Variants in DNAH9 observed in about 807,000 individuals in gnomAD.
The protein encoded by DNAH9 is DNAH9 variant protein.
Under a neutral mutation model 471.6 loss-of-function variants are expected in DNAH9, and 345 were observed. That is an observed-to-expected ratio of 0.73 (90% confidence interval 0.67 to 0.80). The LOEUF is 0.80. Among genes scored for constraint, DNAH9 ranks in the 30% least tolerant of loss-of-function variants. The pLI is 0.00. For missense variants in DNAH9, 5,407 were observed against 5,609.2 expected, an observed-to-expected ratio of 0.96 and a Z score of 1.15; for synonymous variants, 2,093 against 2,123.6, an observed-to-expected ratio of 0.99 and a Z score of 0.40.
intron 24 of DNAH9, among the ~76,000 whole-genome samples, chr17:11,702,927 C>A (rs527956535): frequency 6.6e-6 from 1 of 151,946 alleles, no homozygotes; most frequent in African/African-American, 2.4e-5. Flanking sequence ...CCCGTCTCTA[C>A]TAAAAAATAC....
At position 11,854,102 on chromosome 17, in the gene DNAH9, C is replaced by T; in HGVS notation, c.9607C>T (p.Pro3203Ser). ...ACTGATGGCTCCCAGGGGTAGGGTG[C>T]CCAAGGACCGGAGCTGGAAGGCTGC... ...MVLMAPRGRV[P>S]KDRSWKAAKV... Residue 3203 changes from proline (P) to serine (S), a missense_variant, in exon 50 of 69, where the codon CCC (proline) becomes TCC (serine). Physicochemically the swap from Pro to Ser is moderately conservative, Grantham distance 74. Around this residue, in one of 3 missense-constraint regions of DNAH9, gnomAD observed 4,636 missense variants for 4,900.3 expected, o/e 0.95. Coordinates refer to ENST00000262442, the MANE Select transcript of DNAH9 (RefSeq NM_001372.4). 2 of 1,614,136 alleles carry T rather than the reference C, an allele frequency of 1.2e-6. No homozygotes were observed. The highest frequency in any genetic ancestry group is 1.7e-6 in the Non-Finnish European group (2 of 1,180,032).
At position 11,807,735 on chromosome 17, in the gene DNAH9, C is replaced by T. The variant is rs1453093413; in HGVS notation, c.8424C>T (p.Cys2808=). The change falls in exon 44 of 69, where the codon TGC becomes TGT. Residue 2808 remains cysteine, a synonymous_variant. Coordinates refer to ENST00000262442, the MANE Select transcript of DNAH9 (RefSeq NM_001372.4). ...GTGCCTGCTTCCTTCTCTTTAGCTG[C>T]CATATCAATCGCATCTTGGAGTCCC... is the stretch of plus-strand genomic sequence containing the variant. The part of the protein sequence containing the change: ...VLFEDAMRHV[C]HINRILESPR... 3 of 1,604,966 alleles carry T rather than the reference C, an allele frequency of 1.9e-6. No individual in the cohort carries two copies. The highest frequency in any genetic ancestry group is 2.6e-6 in the Non-Finnish European group (3 of 1,172,726).
chr17:11,873,713 A>C (rs1259196979), intron 52 of DNAH9, among the ~76,000 whole-genome samples: 4 of 150,036 alleles, frequency 2.7e-5, no homozygotes, highest in African/African-American at 7.4e-5. Flanking sequence ...GGGGACAGAA[A>C]ACATATTCAT....
intron 14 of DNAH9, among the ~76,000 whole-genome samples, chr17:11,655,743 C>T (rs546601566): frequency 6.5e-4 from 98 of 151,932 alleles, no homozygotes; most frequent in South Asian, 1.9e-3. Flanking sequence ...GACCATTATT[C>T]TAAGTGAAGT....
Position 11,822,971 on chromosome 17 carries a change from G to C in DNAH9, c.9183G>C (p.Glu3061Asp). Residue 3061 changes from glutamate to aspartate, a missense_variant, in exon 48 of 69, where the codon GAG becomes GAC. By Grantham distance (45) the Glu-to-Asp change is conservative. Coordinates refer to ENST00000262442, the MANE Select transcript of DNAH9 (RefSeq NM_001372.4). ...YQSLLHRHRKELKCKTERLEN... is the reference protein window; with the variant it reads ...YQSLLHRHRKDLKCKTERLEN... ...GCTTGTTGCACAGGCACAGAAAAGA[G>C]CTCAAGTGCAAGACAGAGCGGTTGG... The C allele has an allele frequency of 6.2e-7, 1 of 1,614,164 alleles. No homozygotes were observed. Among genetic ancestry groups the C allele is most frequent in the Non-Finnish European group, 8.5e-7 (1 of 1,180,022 alleles).
Position 11,960,244 on chromosome 17 carries a change from T to C in DNAH9, c.12844-1623T>C, listed in dbSNP as rs991757291. ...TGAGGTCAGGAATTTGAGACCAGCA[T>C]GGCCAACATGGTGAAACCCCGTCTC... On this transcript the variant is annotated intron_variant, in intron 67 of 68. Transcript: ENST00000262442. Among the ~76,000 whole-genome samples, 4 of 151,994 alleles carry C rather than the reference T, an allele frequency of 2.6e-5. No individual in the cohort carries two copies. The South Asian group carries it at 8.3e-4, about 32-fold the overall frequency.
intron 26 of DNAH9, among the ~76,000 whole-genome samples, chr17:11,710,650 A>G (rs1386050908): frequency 6.6e-6 from 1 of 152,100 alleles, no homozygotes; most frequent in Non-Finnish European, 1.5e-5. Flanking sequence ...TACTACTGTT[A>G]TTGCCCGTTT....
At chr17:11,643,175 T>C (rs2073310275) in intron 10 of DNAH9, among the ~76,000 whole-genome samples, 1 of 152,222 alleles carries the variant, frequency 6.6e-6, no homozygotes, top group African/African-American at 2.4e-5. Flanking sequence ...TCAAAACCAG[T>C]TGAGGGTAAC....
At chr17:11,953,440 G>C (rs1243325591) in intron 67 of DNAH9, among the ~76,000 whole-genome samples, 1 of 152,186 alleles carries the variant, frequency 6.6e-6, no homozygotes, top group Non-Finnish European at 1.5e-5. Context: ...ATGGGATGAA[G>C]TGAAGTGGTA....
intron 45 of DNAH9, among the ~76,000 whole-genome samples, chr17:11,810,822 A>G (rs1034946662): frequency 1.3e-5 from 2 of 152,232 alleles, no homozygotes; most frequent in Admixed American, 6.5e-5. Context: ...GAGGTTACCA[A>G]TGTAATTAAC....
At chr17:11,809,443 T>C (rs1049409751) in intron 44 of DNAH9, among the ~76,000 whole-genome samples, 4 of 152,072 alleles carry the variant, frequency 2.6e-5, no homozygotes, top group Non-Finnish European at 5.9e-5. Flanking sequence ...GGCACGCACC[T>C]GTAGATGCAG....
chr17:11,611,063 C>CCTGCTT (rs1194950958), intron 3 of DNAH9, among the ~76,000 whole-genome samples: 1 of 151,992 alleles, frequency 6.6e-6, no homozygotes, highest in Non-Finnish European at 1.5e-5. Flanking sequence ...TGCTCCTGCT[C>CCTGCTT]CTGCTCCTGC....
intron 22 of DNAH9, among the ~76,000 whole-genome samples, chr17:11,698,324 A>G (rs1158292526): frequency 7.1e-6 from 1 of 140,346 alleles, no homozygotes; most frequent in Non-Finnish European, 1.5e-5. Flanking sequence ...ATAATAATAT[A>G]TTAATATTCT....
chr17:11,642,930 C>T lies in DNAH9; in HGVS notation c.1902-1701C>T, dbSNP rs2073306628. On this transcript the variant is annotated intron_variant, in intron 10 of 68. Coordinates refer to ENST00000262442, the MANE Select transcript of DNAH9 (RefSeq NM_001372.4). ...AAAAAAAACGCCAGCAAATTCATTG[C>T]TTTCTCTGCAGGCGCTAGGGCTTCT... Among the ~76,000 whole-genome samples the T allele has an allele frequency of 4.6e-5, 7 of 152,330 alleles. No homozygotes were observed. The South Asian group carries it at 1.5e-3, about 32-fold the overall frequency.
At chr17:11,662,288 G>A (rs918574189) in intron 14 of DNAH9, among the ~76,000 whole-genome samples, 9 of 151,964 alleles carry the variant, frequency 5.9e-5, no homozygotes, top group South Asian at 2.1e-4. Flanking sequence ...CAAGTTGGTC[G>A]TCATTGTGTT....
chr17:11,799,668 C>A (rs1276099185), intron 43 of DNAH9, among the ~76,000 whole-genome samples: 1 of 137,666 alleles, frequency 7.3e-6, no homozygotes, highest in African/African-American at 2.8e-5. Flanking sequence ...CTCACTGCAG[C>A]CTCCACCTCC....
In DNAH9 at chr17:11,619,773, G is replaced by C. The variant is rs373879903; in HGVS notation, c.1342G>C (p.Val448Leu). 24 of 1,598,502 alleles carry C rather than the reference G, an allele frequency of 1.5e-5. No homozygotes were observed. In the South Asian group the frequency reaches 2.5e-4, roughly 17 times the overall value. The change falls in exon 6 of 69, where the codon GTG becomes CTG. Residue 448 changes from valine (V) to leucine (L), a missense_variant. Val to Leu is a conservative substitution (Grantham distance 32, BLOSUM62 1). This residue lies in a region of DNAH9 where 767 missense variants were observed against 692.5 expected (regional missense o/e 1.11). Transcript: ENST00000262442. Reference sequence around the variant, plus strand: ...GGATGGCTTCCTGGGACAACTGCACGTGGTGGAGGTGAGTGCGCACCTCAC... The same window carrying C: ...GGATGGCTTCCTGGGACAACTGCACCTGGTGGAGGTGAGTGCGCACCTCAC... Reference protein sequence around the residue: ...RLDGFLGQLHVVEGLLKTALD... With the variant: ...RLDGFLGQLHLVEGLLKTALD...
intron 47 of DNAH9, 79 bp from the exon 48 acceptor site, chr17:11,822,722 T>TG: frequency 6.3e-7 from 1 of 1,586,996 alleles, no homozygotes. Flanking sequence ...GGTGGAGGAA[T>TG]GGCTGGGGTG....
Position 11,629,506 on chromosome 17 carries a change from G to C in DNAH9, c.1440G>C (p.Gln480His). The change falls in exon 7 of 69, where the codon CAG (glutamine) becomes CAC (histidine). Residue 480 changes from glutamine (Q) to histidine (H), a missense_variant. Around this residue, in one of 3 missense-constraint regions of DNAH9, gnomAD observed 767 missense variants for 692.5 expected, o/e 1.11. Transcript: ENST00000262442. ...GGAATGCTCTGAGTCAGCAGGTCCAGCAAATGCATGAAGAATTTCAAGAGA... is the reference window on the plus strand; with the variant it reads ...GGAATGCTCTGAGTCAGCAGGTCCACCAAATGCATGAAGAATTTCAAGAGA... ...VRGNALSQQVQQMHEEFQEMY... is the reference protein window; with the variant it reads ...VRGNALSQQVHQMHEEFQEMY... 6.2e-7 allele frequency: 1 copy of C among 1,614,110 alleles called. No individual in the cohort carries two copies. Among genetic ancestry groups the C allele is most frequent in the Admixed American group, 1.7e-5 (1 of 60,018 alleles).
Sources: allele counts gnomAD v4.1 joint callset (sites outside exome capture counted in the v4.1 genomes callset), GRCh38; gene constraint gnomAD v4.1.1; regional missense constraint gnomAD v4.1.1; transcripts MANE v1.5; gene names NCBI Gene and HGNC (gene_info 2026-07-23, HGNC 2026-07-21).